The following AKAP6 variants were observed in gnomAD, a reference collection of about 807,000 sequenced individuals.
AKAP6 encodes the protein A-kinase anchoring protein 6.
AKAP6 carries 58 observed loss-of-function variants against 188.5 expected under a neutral mutation model. The observed-to-expected ratio is 0.31, with a 90% CI of 0.25 to 0.38. The LOEUF (loss-of-function observed/expected upper bound fraction) is 0.38, where lower values mean the gene tolerates loss of function less well. AKAP6 is among the 10% of genes least tolerant of loss of function. AKAP6 has a pLI of 1.00. For missense variants in AKAP6, 2,710 were observed against 2,740.0 expected, an observed-to-expected ratio of 0.99 and a Z score of 0.24; for synonymous variants, 989 against 998.6, an observed-to-expected ratio of 0.99 and a Z score of 0.18.
chr14:32,393,308 A>G (rs1888770103), intron 1 of AKAP6, among the ~76,000 whole-genome samples: 1 of 152,190 alleles, frequency 6.6e-6, no homozygotes, highest in African/African-American at 2.4e-5. Context: ...ATCATGAGCA[A>G]AGATCAAACA....
intron 1 of AKAP6, among the ~76,000 whole-genome samples, chr14:32,423,314 T>C (rs1269608997): frequency 2.6e-5 from 4 of 152,026 alleles, no homozygotes; most frequent in African/African-American, 9.7e-5. Flanking sequence ...GGACTACGGG[T>C]ACATGCCACC....
At chr14:32,605,369 T>G (rs1008506077) in intron 7 of AKAP6, among the ~76,000 whole-genome samples, 36 of 152,026 alleles carry the variant, frequency 2.4e-4, no homozygotes, top group Admixed American at 6.6e-5. Context: ...TATACAAAGA[T>G]AGAGAGGTGT....
At chr14:32,750,747 T>TTTG (rs1555359073) in intron 11 of AKAP6, among the ~76,000 whole-genome samples, 2 of 143,256 alleles carry the variant, frequency 1.4e-5, no homozygotes, top group South Asian at 2.3e-4. Flanking sequence ...GTTTTTTTTT[T>TTTG]TTTGTTTTTT....
intron 2 of AKAP6, among the ~76,000 whole-genome samples, chr14:32,524,464 T>C (rs1882020706): frequency 6.6e-6 from 1 of 152,074 alleles, no homozygotes; most frequent in South Asian, 2.1e-4. Flanking sequence ...ATTTACTATA[T>C]ACATATATAT....
chr14:32,354,338 G>A (rs1818151287), intron 1 of AKAP6, among the ~76,000 whole-genome samples: 1 of 151,796 alleles, frequency 6.6e-6, no homozygotes, highest in African/African-American at 2.4e-5. Flanking sequence ...AAAGCTACCT[G>A]TTCCCTGCTC....
intron 7 of AKAP6, among the ~76,000 whole-genome samples, chr14:32,630,266 A>G (rs1371143132): frequency 6.6e-6 from 1 of 152,122 alleles, no homozygotes; most frequent in Non-Finnish European, 1.5e-5. Context: ...TTTAAATTGG[A>G]ATTAGAAATA....
intron 3 of AKAP6, 103 bp downstream of exon 3, chr14:32,535,908 A>G: frequency 6.7e-7 from 1 of 1,489,622 alleles, no homozygotes; most frequent in Non-Finnish European, 9.0e-7. Flanking sequence ...TAGGTAAATA[A>G]GCAGGCCCTG....
intron 8 of AKAP6, chr14:32,693,571 G>A (rs1216765158): frequency 1.3e-5 from 2 of 152,224 alleles, no homozygotes; most frequent in East Asian, 3.9e-4. Flanking sequence ...AAATGAAGTT[G>A]ACATCCTTAT....
At chr14:32,524,097 A>G (rs533918590) in intron 2 of AKAP6, among the ~76,000 whole-genome samples, 1 of 152,324 alleles carries the variant, frequency 6.6e-6, no homozygotes, top group Non-Finnish European at 1.5e-5. Context: ...CAGCTACTCC[A>G]AAGGCTAAGG....
At chr14:32,428,355 T>C (rs1566496917) in intron 1 of AKAP6, among the ~76,000 whole-genome samples, 1 of 152,144 alleles carries the variant, frequency 6.6e-6, no homozygotes, top group Non-Finnish European at 1.5e-5. Context: ...AGCTTCCAAA[T>C]AGGGACTGCA....
At chr14:32,354,884 G>A (rs1887427175) in intron 1 of AKAP6, among the ~76,000 whole-genome samples, 1 of 152,194 alleles carries the variant, frequency 6.6e-6, no homozygotes, top group South Asian at 2.1e-4. Flanking sequence ...CCGGGGAGTT[G>A]CCCTCCTCTG....
intron 1 of AKAP6, among the ~76,000 whole-genome samples, chr14:32,334,389 A>G (rs1012076254): frequency 6.6e-6 from 1 of 152,132 alleles, no homozygotes; most frequent in African/African-American, 2.4e-5. Context: ...CCAGCTTGTT[A>G]AGTCACTTAA....
At chr14:32,649,723 A>G (rs1388697982) in intron 7 of AKAP6, among the ~76,000 whole-genome samples, 2 of 152,330 alleles carry the variant, frequency 1.3e-5, no homozygotes, top group South Asian at 4.1e-4. Flanking sequence ...ATCACTTTAC[A>G]TAATTTATGG....
rs578200426 is a variant in AKAP6 at position 32,551,462 on chromosome 14, T to C, written c.2346+4463T>C. On this transcript the variant is annotated intron_variant, in intron 4 of 13. Coordinates refer to ENST00000280979, the MANE Select transcript of AKAP6 (RefSeq NM_004274.5). ...TGGTGTGCACCTGTAATCCCAGCTA[T>C]TTGGGAGGCTGAGGCAGGAGAATTG... 4.3e-3 allele frequency among the ~76,000 whole-genome samples: 653 copies of C among 151,096 alleles called. 10 individuals carry two copies. The highest frequency in any genetic ancestry group is 0.015 in the African/African-American group (626 of 41,248).
At chr14:32,782,875 A>AT (rs553004848) in intron 12 of AKAP6, among the ~76,000 whole-genome samples, 11,662 of 149,128 alleles carry the variant, frequency 0.078, 536 homozygotes, top group Middle Eastern at 0.12. Flanking sequence ...AATCTCTGTG[A>AT]TTTTTTTTTT....
At chr14:32,599,852 A>G (rs1455181451) in intron 6 of AKAP6, among the ~76,000 whole-genome samples, 1 of 152,218 alleles carries the variant, frequency 6.6e-6, no homozygotes, top group Admixed American at 6.5e-5. Context: ...ATATATAGTT[A>G]TAATGCATAC....
intron 2 of AKAP6, among the ~76,000 whole-genome samples, chr14:32,469,887 T>G (rs1049280672): frequency 2.6e-5 from 4 of 152,160 alleles, no homozygotes; most frequent in African/African-American, 9.7e-5. Flanking sequence ...ATGACATATT[T>G]TATCGCTTTT....
chr14:32,743,141 T>C (rs1032815545), intron 11 of AKAP6, among the ~76,000 whole-genome samples: 1 of 152,138 alleles, frequency 6.6e-6, no homozygotes, highest in African/African-American at 2.4e-5. Context: ...TCTCTTCTTA[T>C]AGTTTTTGCC....
chr14:32,660,213 A>C (rs1157074252), intron 7 of AKAP6, among the ~76,000 whole-genome samples: 1 of 152,138 alleles, frequency 6.6e-6, no homozygotes, highest in Non-Finnish European at 1.5e-5. Context: ...AGATGGAATA[A>C]ATGCAACAAC....
Sources: allele counts gnomAD v4.1 joint callset (sites outside exome capture counted in the v4.1 genomes callset), GRCh38; gene constraint gnomAD v4.1.1; transcripts MANE v1.5; gene names NCBI Gene and HGNC (gene_info 2026-07-23, HGNC 2026-07-21).